Variants in PDE6C observed in about 807,000 individuals in gnomAD.
PDE6C encodes phosphodiesterase 6C.
Under a neutral mutation model 113.1 loss-of-function variants are expected in PDE6C, and 75 were observed. The ratio of observed to expected loss-of-function variants is 0.66; its 90% CI spans 0.55 to 0.80. The LOEUF (loss-of-function observed/expected upper bound fraction) is 0.80, where lower values mean the gene tolerates loss of function less well. Ranked by LOEUF, PDE6C falls within the 30% of genes least tolerant of loss-of-function variation. PDE6C has a pLI of 0.00. For synonymous variants in PDE6C, 375 were observed against 363.7 expected, an observed-to-expected ratio of 1.03 and a Z score of -0.35; for missense variants, 912 against 1,038.6, an observed-to-expected ratio of 0.88 and a Z score of 1.67.
At chr10:93,660,497 T>A (rs2058661219) in intron 18 of PDE6C, among the ~76,000 whole-genome samples, 1 of 152,158 alleles carries the variant, frequency 6.6e-6, no homozygotes, top group Admixed American at 6.5e-5. Flanking sequence ...GGTCTTATGA[T>A]CTGCTTCAGG....
chr10:93,664,489 A>G (rs899776782), intron 21 of PDE6C, among the ~76,000 whole-genome samples: 5 of 152,208 alleles, frequency 3.3e-5, no homozygotes, highest in African/African-American at 1.2e-4. Context: ...TGGGCTAAAA[A>G]TGTTCATGGG....
chr10:93,623,014 T>C (rs745786181), intron 4 of PDE6C, among the ~76,000 whole-genome samples: 3 of 152,342 alleles, frequency 2.0e-5, no homozygotes, highest in Non-Finnish European at 4.4e-5. Context: ...TGGATTATAC[T>C]GTAAGACAAA....
At chr10:93,621,644 C>T (rs919771725) in intron 3 of PDE6C, among the ~76,000 whole-genome samples, 6 of 152,218 alleles carry the variant, frequency 3.9e-5, no homozygotes, top group African/African-American at 1.4e-4. Context: ...ACCATCCCTG[C>T]ATCCCATTTC....
At chr10:93,652,537 A>C (rs772906983) in intron 15 of PDE6C, among the ~76,000 whole-genome samples, 2 of 152,144 alleles carry the variant, frequency 1.3e-5, no homozygotes, top group Admixed American at 6.5e-5. Flanking sequence ...GTGACTATAA[A>C]CCCTTTTTCT....
At chr10:93,665,265 T>A in intron 21 of PDE6C, 95 bp from the exon 22 acceptor site, 1 of 928,842 alleles carries the variant, frequency 1.1e-6, no homozygotes, top group East Asian at 2.4e-5. Flanking sequence ...GACTAATTAG[T>A]CTACAAAGTT....
chr10:93,651,216 G>A (rs1309612094), intron 15 of PDE6C, among the ~76,000 whole-genome samples: 1 of 152,128 alleles, frequency 6.6e-6, no homozygotes, highest in Non-Finnish European at 1.5e-5. Context: ...AATGAGCTGG[G>A]GAAATCCTCA....
At chr10:93,636,289 C>T (rs945507260) in intron 10 of PDE6C, among the ~76,000 whole-genome samples, 1 of 151,924 alleles carries the variant, frequency 6.6e-6, no homozygotes, top group East Asian at 1.9e-4. Flanking sequence ...TGGATATTTG[C>T]TAACCATGTT....
At chr10:93,625,710 G>A in intron 5 of PDE6C, 61 bp downstream of exon 5, 1 of 1,146,702 alleles carries the variant, frequency 8.7e-7, no homozygotes, top group Non-Finnish European at 1.3e-6. Flanking sequence ...AAAATTAAGA[G>A]GCCACAGTGC....
rs766806542 is a variant in PDE6C at position 93,626,916 on chromosome 10, A to AC, written c.1071+46dup. The AC allele has an allele frequency of 8.1e-6, 12 of 1,482,926 alleles. No individual in the cohort carries two copies. In the African/African-American group the frequency reaches 1.4e-4, roughly 17 times the overall value. 91.9% of individuals were successfully genotyped at this position (1,482,926 alleles called of 1,614,324 possible). On this transcript the variant is annotated intron_variant, in intron 7 of 21. Transcript: ENST00000371447. The stretch of plus-strand genomic sequence containing the variant: ...CAAATTTTAAATAATATTGCAAGAA[A>AC]CTCTTATTAGCTAAGAGATAGATAC...
intron 18 of PDE6C, among the ~76,000 whole-genome samples, chr10:93,660,113 CT>C (rs1410292417): frequency 6.6e-6 from 1 of 152,086 alleles, no homozygotes; most frequent in Non-Finnish European, 1.5e-5. Flanking sequence ...TGGGTTGTAT[CT>C]TTTTAAAAAG....
intron 14 of PDE6C, 68 bp from the exon 15 acceptor site, chr10:93,645,892 C>A: frequency 2.2e-6 from 2 of 906,704 alleles, no homozygotes; most frequent in Non-Finnish European, 3.7e-6. Flanking sequence ...TAAGAAAAAT[C>A]CTGAATTGTA....
intron 15 of PDE6C, among the ~76,000 whole-genome samples, chr10:93,650,154 A>C (rs2058603173): frequency 6.6e-6 from 1 of 152,230 alleles, no homozygotes; most frequent in Admixed American, 6.5e-5. Flanking sequence ...TAGCACAATA[A>C]TAGAATAATC....
Position 93,629,240 on chromosome 10 carries a change from T to C in PDE6C, c.1072-18T>C. On this transcript the variant is annotated intron_variant, in intron 7 of 21. Transcript: ENST00000371447. Reference sequence around the variant, plus strand: ...ACTACACAATATTTCAGACCATTTGTCTCCTCTTGCCTTCCAGATCTGTAA... The same window carrying C: ...ACTACACAATATTTCAGACCATTTGCCTCCTCTTGCCTTCCAGATCTGTAA... 1 of 1,599,676 alleles carries C rather than the reference T, an allele frequency of 6.3e-7. No homozygotes were observed. Among genetic ancestry groups the C allele is most frequent in the Non-Finnish European group, 8.6e-7 (1 of 1,166,902 alleles).
Position 93,665,812 on chromosome 10 carries a change from A to C in PDE6C, c.*394A>C. ...GGGGGCTGGAAGTTCAAGATCAAGG[A>C]GTTGGCAGGGTTGGTTTCTTGGGAG... On this transcript the variant is annotated 3_prime_UTR_variant, in exon 22 of 22. Coordinates refer to ENST00000371447, the MANE Select transcript of PDE6C (RefSeq NM_006204.4). 3.8e-6 allele frequency: 1 copy of C among 266,150 alleles called. No individual in the cohort carries two copies. The highest frequency in any genetic ancestry group is 7.2e-6 in the Non-Finnish European group (1 of 137,996). 16.5% of individuals were successfully genotyped at this position (266,150 alleles called of 1,614,324 possible).
At chr10:93,616,105 A>G (rs941186745) in intron 1 of PDE6C, among the ~76,000 whole-genome samples, 2 of 152,342 alleles carry the variant, frequency 1.3e-5, no homozygotes, top group African/African-American at 4.8e-5. Context: ...TGACAATTTA[A>G]ACAACATTCT....
intron 12 of PDE6C, 54 bp from the exon 13 acceptor site, chr10:93,640,396 C>T: frequency 7.0e-7 from 1 of 1,418,532 alleles, no homozygotes; most frequent in Non-Finnish European, 1.0e-6. Flanking sequence ...TGCCACAGAC[C>T]TTCTAACCTT....
At chr10:93,619,770 C>CTA (rs2058436733) in intron 1 of PDE6C, among the ~76,000 whole-genome samples, 1 of 152,146 alleles carries the variant, frequency 6.6e-6, no homozygotes, top group Admixed American at 6.5e-5. Flanking sequence ...TAAAGAAAAA[C>CTA]TGTATGTTCC....
chr10:93,639,959 A>G, intron 11 of PDE6C, 111 bp from the exon 12 acceptor site: 1 of 1,105,284 alleles, frequency 9.0e-7, no homozygotes, highest in Non-Finnish European at 1.4e-6. Context: ...TCAGTGAATC[A>G]CACATTGTGT....
intron 16 of PDE6C, among the ~76,000 whole-genome samples, chr10:93,657,712 A>G (rs1237048493): frequency 6.7e-6 from 1 of 149,550 alleles, no homozygotes; most frequent in Non-Finnish European, 1.5e-5. Flanking sequence ...ATTTTTCATC[A>G]TTGCCTACAA....
Sources: gnomAD v4.1 joint callset for allele counts (sites outside exome capture counted in the v4.1 genomes callset) on GRCh38, gnomAD v4.1.1 for gene constraint, MANE v1.5 for transcripts, NCBI Gene and HGNC (gene_info 2026-07-23, HGNC 2026-07-21) for gene names.